Variants in NBAS observed in about 807,000 individuals in gnomAD.
The protein encoded by NBAS is NBAS subunit of NRZ tethering complex, also known as NAG/BC035112 fusion.
Under a neutral mutation model 302.5 loss-of-function variants are expected in NBAS, and 219 were observed. That is an observed-to-expected ratio of 0.72 (90% CI 0.65 to 0.81). The LOEUF is 0.81. NBAS is among the 30% of genes least tolerant of loss of function. The pLI, the probability that NBAS is intolerant of heterozygous loss-of-function variation, is 0.00. For missense variants in NBAS, 2,932 were observed against 2,841.6 expected, an observed-to-expected ratio of 1.03 and a Z score of -0.72; for synonymous variants, 1,118 against 1,021.6, an observed-to-expected ratio of 1.09 and a Z score of -1.80.
chr2:15,320,482 C>T (rs1476559399), intron 38 of NBAS, among the ~76,000 whole-genome samples: 2 of 152,038 alleles, frequency 1.3e-5, no homozygotes, highest in African/African-American at 2.4e-5. Context: ...ATGACATGAT[C>T]GTATATTTAG....
chr2:15,272,129 T>C (rs373644869), intron 44 of NBAS, among the ~76,000 whole-genome samples: 4 of 152,324 alleles, frequency 2.6e-5, no homozygotes, highest in Admixed American at 2.6e-4. Context: ...TGAAGAGCCT[T>C]CTCTGGTATG....
chr2:15,043,518 G>A, the NBAS span, among the ~76,000 whole-genome samples: 2 of 152,104 alleles, frequency 1.3e-5, no homozygotes, highest in Admixed American at 6.5e-5. Context: ...GACTGTCCTG[G>A]CTCTGGCATC....
chr2:15,451,398 A>G (rs1476072067), intron 21 of NBAS, among the ~76,000 whole-genome samples: 1 of 152,170 alleles, frequency 6.6e-6, no homozygotes, highest in Non-Finnish European at 1.5e-5. Context: ...TTTGGTGTCA[A>G]TAAAAAAGAC....
At chr2:14,848,335 G>A in the NBAS span, among the ~76,000 whole-genome samples, 20 of 144,768 alleles carry the variant, frequency 1.4e-4, no homozygotes, top group African/African-American at 4.5e-4. Context: ...CTGGAAAATC[G>A]GGTCACTCCC....
In NBAS at chr2:15,330,677, G is replaced by A; in HGVS notation, c.4268C>T (p.Thr1423Ile). 1 of 1,614,128 alleles carries A rather than the reference G, an allele frequency of 6.2e-7. No individual in the cohort carries two copies. Among genetic ancestry groups the A allele is most frequent in the Non-Finnish European group, 8.5e-7 (1 of 1,179,980 alleles). ...TTMKVLSNTT[T>I]TTKAVLQAVS... ...GGCCTGCAGCACCGCTTTGGTGGTG[G>A]TTGTGGTGTTGGAAAGGACTTTCAT... Residue 1423 changes from threonine (T) to isoleucine (I), a missense_variant, in exon 36 of 52, where the codon ACC (threonine) becomes ATC (isoleucine). Physicochemically the swap from Thr to Ile is moderately conservative, Grantham distance 89. Coordinates refer to ENST00000281513, the MANE Select transcript of NBAS (RefSeq NM_015909.4).
At chr2:15,273,034 C>T (rs1394027195) in intron 44 of NBAS, among the ~76,000 whole-genome samples, 1 of 152,172 alleles carries the variant, frequency 6.6e-6, no homozygotes, top group Non-Finnish European at 1.5e-5. Context: ...GTCTAAAACT[C>T]TCTGTCCCCT....
chr2:14,820,790 G>T, the NBAS span, among the ~76,000 whole-genome samples: 67 of 152,302 alleles, frequency 4.4e-4, 1 homozygote, highest in African/African-American at 7.9e-4. Flanking sequence ...TTAGGATGGA[G>T]CCTGAACAGT....
At chr2:14,906,705 G>A in the NBAS span, among the ~76,000 whole-genome samples, 1 of 152,124 alleles carries the variant, frequency 6.6e-6, no homozygotes, top group Non-Finnish European at 1.5e-5. Context: ...CAATGGCCTG[G>A]CTCTCAGGGC....
At chr2:15,144,019 C>CTATATATA in the NBAS span, among the ~76,000 whole-genome samples, 1 of 112,222 alleles carries the variant, frequency 8.9e-6, no homozygotes, top group African/African-American at 3.8e-5. Flanking sequence ...TGAGTTAATA[C>CTATATATA]TATATATATA....
chr2:14,800,669 A>G, the NBAS span, among the ~76,000 whole-genome samples: 1 of 151,640 alleles, frequency 6.6e-6, no homozygotes, highest in Non-Finnish European at 1.5e-5. Flanking sequence ...TTAAAGACTT[A>G]TATTTTCCTT....
chr2:15,085,197 C>T, the NBAS span, among the ~76,000 whole-genome samples: 2 of 152,084 alleles, frequency 1.3e-5, no homozygotes, highest in African/African-American at 2.4e-5. Flanking sequence ...GGGCCGGTTC[C>T]GGACACAGAG....
rs548406185 is a variant in NBAS at position 15,501,137 on chromosome 2, T to C, written c.954+3008A>G. On this transcript the variant is annotated intron_variant, in intron 11 of 51. Transcript: ENST00000281513. The stretch of plus-strand genomic sequence containing the variant: ...TAACATGGTGAAACCTCATATCTAC[T>C]AAAAATACAAAAAGTTAGCCGGGTA... Among the ~76,000 whole-genome samples the C allele has an allele frequency of 3.3e-5, 5 of 149,316 alleles. No individual in the cohort carries two copies. In the South Asian group the frequency reaches 1.1e-3, roughly 32 times the overall value.
At chr2:15,537,527 C>G (rs1283257794) in intron 7 of NBAS, among the ~76,000 whole-genome samples, 3 of 152,038 alleles carry the variant, frequency 2.0e-5, no homozygotes, top group African/African-American at 4.8e-5. Context: ...TCTGTAATCC[C>G]AACACATTGA....
chr2:14,834,672 G>C, the NBAS span, among the ~76,000 whole-genome samples: 1 of 152,084 alleles, frequency 6.6e-6, no homozygotes, highest in East Asian at 1.9e-4. Flanking sequence ...AGGTAGGAGA[G>C]GGGGGAAGTG....
chr2:14,953,176 C>T, the NBAS span, among the ~76,000 whole-genome samples: 1 of 152,126 alleles, frequency 6.6e-6, no homozygotes, highest in Admixed American at 6.6e-5. Context: ...GGACGGGCCA[C>T]ACTTCTTCTG....
At chr2:15,222,247 T>G (rs1377533549) in intron 47 of NBAS, among the ~76,000 whole-genome samples, 3 of 152,200 alleles carry the variant, frequency 2.0e-5, no homozygotes, top group Non-Finnish European at 4.4e-5. Flanking sequence ...TAGAAAAATG[T>G]ATGGGCTGGG....
rs1008465631 is a variant in NBAS, at chr2:15,275,794, T to C, written c.5414A>G (p.Asp1805Gly). 1.2e-6 allele frequency: 2 copies of C among 1,613,860 alleles called. No homozygotes were observed. The highest frequency in any genetic ancestry group is 1.7e-6 in the Non-Finnish European group (2 of 1,180,008). Residue 1805 changes from aspartate to glycine, a missense_variant, in exon 44 of 52, where the codon GAT (aspartate) becomes GGT (glycine). Transcript: ENST00000281513. ...TGCTTCAAGAGGACTCATGTTTTCA[T>C]CTGTCAGCTTTTTGTAATTAAGACC... ...ASGLNYKKLT[D>G]ENMSPLEALE... is the part of the protein sequence containing the mutation.
At chr2:15,513,311 C>T (rs922196546) in intron 9 of NBAS, among the ~76,000 whole-genome samples, 2 of 152,198 alleles carry the variant, frequency 1.3e-5, no homozygotes, top group African/African-American at 2.4e-5. Flanking sequence ...ATCCTTAGAG[C>T]TAACACGTAA....
chr2:15,186,127 T>A (rs1665070075), intron 50 of NBAS, among the ~76,000 whole-genome samples: 1 of 151,020 alleles, frequency 6.6e-6, no homozygotes, highest in Non-Finnish European at 1.5e-5. Context: ...TATGTATGTG[T>A]GTATATATAT....
Sources: allele counts gnomAD v4.1 joint callset (sites outside exome capture counted in the v4.1 genomes callset), GRCh38; gene constraint gnomAD v4.1.1; transcripts MANE v1.5; gene names NCBI Gene and HGNC (gene_info 2026-07-23, HGNC 2026-07-21).